The following KCNQ1 variants were observed in gnomAD, a reference collection of about 807,000 sequenced individuals.
KCNQ1 encodes the protein potassium voltage-gated channel subfamily KQT member 1.
Under a neutral mutation model 72.4 loss-of-function variants are expected in KCNQ1, and 49 were observed. The observed-to-expected ratio is 0.68, with a 90% CI of 0.54 to 0.86. The LOEUF is 0.86. Ranked by LOEUF, KCNQ1 falls within the 40% of genes least tolerant of loss-of-function variation. The pLI is 0.00. For missense variants in KCNQ1, 790 were observed against 945.1 expected, an observed-to-expected ratio of 0.84 and a Z score of 2.15; for synonymous variants, 450 against 412.6, an observed-to-expected ratio of 1.09 and a Z score of -1.10.
intron 1 of KCNQ1, among the ~76,000 whole-genome samples, chr11:2,485,423 C>A (rs1366494614): frequency 6.9e-6 from 1 of 145,034 alleles, no homozygotes; most frequent in African/African-American, 2.5e-5. Flanking sequence ...CTCTTGCAGG[C>A]CTCTCGCACA....
chr11:2,807,634 G>A (rs948385332), intron 15 of KCNQ1, among the ~76,000 whole-genome samples: 2 of 152,172 alleles, frequency 1.3e-5, no homozygotes, highest in African/African-American at 2.4e-5. Context: ...CAGGACAGCC[G>A]GCGGTGGGCA....
Position 2,541,405 on chromosome 11 carries a change from C to A in KCNQ1, c.477+13387C>A, listed in dbSNP as rs1190755241. Among the ~76,000 whole-genome samples the A allele has an allele frequency of 6.6e-6, 1 of 152,160 alleles. No homozygotes were observed. Among genetic ancestry groups the A allele is most frequent in the East Asian group, 1.9e-4 (1 of 5,170 alleles). ...GCTTTCTTTAGCGGGGCCTGTGTCTCTTCTCACTGACCGTTTTCTGAAACT... is the reference window on the plus strand; with the variant it reads ...GCTTTCTTTAGCGGGGCCTGTGTCTATTCTCACTGACCGTTTTCTGAAACT... On this transcript the variant is annotated intron_variant, in intron 2 of 15. Transcript: ENST00000155840. This position sits in a 1 kb window ranked among gnomAD's most constrained non-coding sequence, Gnocchi z 4.8.
chr11:2,699,796 GC>G, intron 11 of KCNQ1: 2 of 397,332 alleles, frequency 5.0e-6, no homozygotes, highest in Non-Finnish European at 8.9e-6. Flanking sequence ...GCGCCGAGGG[GC>G]GCGCCGGGGA....
In KCNQ1 at chr11:2,671,972, C is replaced by A. The variant is rs1850191186; in HGVS notation, c.1514+9891C>A. ...GGGTAGAAAGAGTGGGCTAAAAAGT[C>A]AGCTAGCACCCCTGACTTCAAGTCC... On this transcript the variant is annotated intron_variant, in intron 11 of 15. Transcript: ENST00000155840. The surrounding 1 kb of genome is among the most constrained non-coding windows in gnomAD (Gnocchi z 4.7). 2.5e-6 allele frequency: 1 copy of A among 398,538 alleles called. No homozygotes were observed. The highest frequency in any genetic ancestry group is 1.3e-4 in the South Asian group (1 of 7,842). The allele number at this position is 398,538 out of a possible 1,614,324, so 24.7% of individuals were successfully genotyped here.
At chr11:2,736,779 T>G (rs1845965422) in intron 11 of KCNQ1, among the ~76,000 whole-genome samples, 1 of 152,238 alleles carries the variant, frequency 6.6e-6, no homozygotes, top group African/African-American at 2.4e-5. Flanking sequence ...GGTTCCTGGC[T>G]GGCTGGCATG....
rs1850326152 is a variant in KCNQ1 at position 2,678,166 on chromosome 11, A to T, written c.1514+16085A>T. 1 of 398,068 alleles carries T rather than the reference A, an allele frequency of 2.5e-6. No homozygotes were observed. 24.7% of individuals were successfully genotyped at this position (398,068 alleles called of 1,614,324 possible). On this transcript the variant is annotated intron_variant, in intron 11 of 15. Transcript: ENST00000155840. This position sits in a 1 kb window ranked among gnomAD's most constrained non-coding sequence, Gnocchi z 4.9. ...CTTAGGTGTTTTGGCTTTTTCTATA[A>T]TATTTTTCTGGTGGCAGAATTTTTT...
At chr11:2,728,349 G>A (rs1343017740) in intron 11 of KCNQ1, among the ~76,000 whole-genome samples, 1 of 152,216 alleles carries the variant, frequency 6.6e-6, no homozygotes, top group East Asian at 1.9e-4. Flanking sequence ...TGCCTGACCC[G>A]GCGCCAGCCC....
In KCNQ1 at chr11:2,544,763, GT is replaced by G. The variant is rs1312162084; in HGVS notation, c.477+16749del. Reference sequence around the variant, plus strand: ...ATGATGTTTTCTGAACATAGAGACAGTTTTACCTCTTTTTTTCAAATGTGGA... The same window carrying G: ...ATGATGTTTTCTGAACATAGAGACAGTTTACCTCTTTTTTTCAAATGTGGA... On this transcript the variant is annotated intron_variant, in intron 2 of 15. Coordinates refer to ENST00000155840, the MANE Select transcript of KCNQ1 (RefSeq NM_000218.3). This position sits in a 1 kb window ranked among gnomAD's most constrained non-coding sequence, Gnocchi z 4.4. Among the ~76,000 whole-genome samples the G allele has an allele frequency of 1.3e-5, 2 of 152,118 alleles. No individual in the cohort carries two copies. Among genetic ancestry groups the G allele is most frequent in the African/African-American group, 4.8e-5 (2 of 41,408 alleles).
At chr11:2,838,067 G>A (rs1045719807) in intron 15 of KCNQ1, among the ~76,000 whole-genome samples, 3 of 152,194 alleles carry the variant, frequency 2.0e-5, no homozygotes, top group Non-Finnish European at 4.4e-5. Context: ...GCCCAGAAAC[G>A]TCCCGTCCCA....
intron 11 of KCNQ1, chr11:2,688,356 TG>T (rs1234752679): frequency 7.5e-6 from 3 of 398,684 alleles, no homozygotes; most frequent in African/African-American, 6.2e-5. Context: ...CTCTCGTGTC[TG>T]GGGAACTTCC....
rs527818421 is a variant in KCNQ1 at position 2,700,031 on chromosome 11, C to T, written c.1514+37950C>T. 1.0e-3 allele frequency: 409 copies of T among 398,214 alleles called. 1 individual carries two copies. The highest frequency in any genetic ancestry group is 7.7e-3 in the African/African-American group (374 of 48,738). The allele number at this position is 398,214 out of a possible 1,614,324, so 24.7% of individuals were successfully genotyped here. ...GCGGCAGCGCTCCGACTGCCCCCGC[C>T]GCTGCCGACGTGGCGACCGCCCCCC... On this transcript the variant is annotated intron_variant, in intron 11 of 15. Transcript: ENST00000155840.
At chr11:2,521,025 A>G (rs1847373335) in intron 1 of KCNQ1, among the ~76,000 whole-genome samples, 1 of 54,434 alleles carries the variant, frequency 1.8e-5, no homozygotes, top group African/African-American at 7.5e-5. Context: ...TTGCTCTATG[A>G]ATGTTGTTTG....
Position 2,627,187 on chromosome 11 carries a change from T to G in KCNQ1, c.1394-34774T>G. On this transcript the variant is annotated intron_variant, in intron 10 of 15. Transcript: ENST00000155840. The surrounding 1 kb of genome is among the most constrained non-coding windows in gnomAD (Gnocchi z 4.9). The stretch of plus-strand genomic sequence containing the variant: ...GTTATTCTTGATGCTTTTTTCAGCT[T>G]TTATTGAGGTATAATTGACAAATTA... 2.5e-6 allele frequency: 1 copy of G among 398,578 alleles called. No homozygotes were observed. The highest frequency in any genetic ancestry group is 4.4e-6 in the Non-Finnish European group (1 of 226,048). 24.7% of individuals were successfully genotyped at this position (398,578 alleles called of 1,614,324 possible).
At chr11:2,665,570 T>C in intron 11 of KCNQ1, 1 of 395,438 alleles carries the variant, frequency 2.5e-6, no homozygotes, top group Admixed American at 4.5e-5. Context: ...TTTCCATTCA[T>C]CTTTCCAACG....
At chr11:2,553,267 A>G (rs1178241180) in intron 2 of KCNQ1, among the ~76,000 whole-genome samples, 3 of 149,210 alleles carry the variant, frequency 2.0e-5, no homozygotes, top group African/African-American at 7.4e-5. Flanking sequence ...CAGTCCATAT[A>G]CTATTTATTT....
chr11:2,527,052 CG>C (rs1218689014), intron 1 of KCNQ1, among the ~76,000 whole-genome samples: 1 of 152,154 alleles, frequency 6.6e-6, no homozygotes, highest in African/African-American at 2.4e-5. Flanking sequence ...CTGGAGGGTA[CG>C]TTTGCAGTGG....
At chr11:2,524,486 G>A (rs1488975340) in intron 1 of KCNQ1, among the ~76,000 whole-genome samples, 1 of 152,224 alleles carries the variant, frequency 6.6e-6, no homozygotes, top group Non-Finnish European at 1.5e-5. Context: ...GTGGGGGTCT[G>A]TGTTACTGTC....
chr11:2,631,017 T>C, intron 10 of KCNQ1: 1 of 398,536 alleles, frequency 2.5e-6, no homozygotes, highest in Non-Finnish European at 4.4e-6. Context: ...TTATCTTGTC[T>C]TCCATTTTTT....
At chr11:2,692,591 T>C in intron 11 of KCNQ1, 1 of 398,760 alleles carries the variant, frequency 2.5e-6, no homozygotes, top group Non-Finnish European at 4.4e-6. Context: ...GACCCCAGGC[T>C]AGTTCCAGTG....
Sources: allele counts gnomAD v4.1 joint callset (sites outside exome capture counted in the v4.1 genomes callset), GRCh38; gene constraint gnomAD v4.1.1; non-coding constraint Gnocchi (gnomAD v3.1); transcripts MANE v1.5; gene names NCBI Gene and HGNC (gene_info 2026-07-23, HGNC 2026-07-21).